The following CTNNA3 variants were observed in gnomAD, a reference collection of about 807,000 sequenced individuals.
CTNNA3 encodes the protein catenin alpha-3.
A neutral mutation model predicts 95.7 loss-of-function variants in CTNNA3; 76 were observed. That is an observed-to-expected ratio of 0.79 (90% CI 0.66 to 0.96). The LOEUF is 0.96. CTNNA3 is among the 40% of genes least tolerant of loss of function. The pLI, the probability that CTNNA3 is intolerant of heterozygous loss-of-function variation, is 0.00. For synonymous variants in CTNNA3, 431 were observed against 374.4 expected (o/e 1.15, Z -1.74); for missense variants, 1,191 against 1,089.8 (o/e 1.09, Z -1.31).
chr10:66,382,603 A>G (rs1170184475), intron 11 of CTNNA3, among the ~76,000 whole-genome samples: 2 of 152,184 alleles, frequency 1.3e-5, no homozygotes, highest in Non-Finnish European at 1.5e-5. Flanking sequence ...ATGGTGGTTG[A>G]GCTCTGAGAA....
At chr10:66,043,651 G>A (rs2079755828) in intron 15 of CTNNA3, among the ~76,000 whole-genome samples, 2 of 152,150 alleles carry the variant, frequency 1.3e-5, no homozygotes, top group African/African-American at 4.8e-5. Context: ...TGTCAGAGCA[G>A]GTGACACTTA....
At chr10:66,377,376 T>G (rs1396356446) in intron 12 of CTNNA3, among the ~76,000 whole-genome samples, 1 of 152,088 alleles carries the variant, frequency 6.6e-6, no homozygotes, top group Admixed American at 6.6e-5. Context: ...AATGTGATAA[T>G]GTAGCCATAT....
rs142570818 is a variant in CTNNA3, at chr10:66,177,652, T to C, written c.1885-74403A>G. On this transcript the variant is annotated intron_variant, in intron 13 of 17. Coordinates refer to ENST00000433211, the MANE Select transcript of CTNNA3 (RefSeq NM_013266.4). ...ACAAACAGTAGCAGTTATTTTATAC[T>C]AAACATACCAAAACGTAAGTGAGCA... 5.4e-3 allele frequency among the ~76,000 whole-genome samples: 817 copies of C among 152,186 alleles called. 4 individuals are homozygous for C. Among genetic ancestry groups the C allele is most frequent in the African/African-American group, 0.019 (790 of 41,564 alleles).
intron 5 of CTNNA3, among the ~76,000 whole-genome samples, chr10:67,395,771 C>T (rs910236658): frequency 5.9e-5 from 9 of 152,100 alleles, no homozygotes; most frequent in Non-Finnish European, 1.2e-4. Flanking sequence ...TTAACATTTC[C>T]ATTAATCCCA....
chr10:67,107,310 C>CT (rs1554922443), intron 7 of CTNNA3, among the ~76,000 whole-genome samples: 1 of 152,136 alleles, frequency 6.6e-6, no homozygotes, highest in Non-Finnish European at 1.5e-5. Context: ...TTTCTGAACT[C>CT]TAATTCTCTT....
chr10:67,103,221 G>T (rs1480149817), intron 7 of CTNNA3, among the ~76,000 whole-genome samples: 2 of 151,818 alleles, frequency 1.3e-5, no homozygotes, highest in Non-Finnish European at 2.9e-5. Flanking sequence ...AAGTAAAATT[G>T]TGAATTCTTG....
chr10:66,518,327 C>T (rs184382548), intron 11 of CTNNA3, among the ~76,000 whole-genome samples: 3 of 152,062 alleles, frequency 2.0e-5, no homozygotes, highest in Admixed American at 6.6e-5. Flanking sequence ...TATGGTTCCC[C>T]TTGTTGCATG....
intron 15 of CTNNA3, among the ~76,000 whole-genome samples, chr10:66,063,409 G>A (rs565976324): frequency 6.7e-6 from 1 of 150,366 alleles, no homozygotes; most frequent in Admixed American, 6.7e-5. Context: ...GTCTTCTGAA[G>A]GCTTCTCATA....
chr10:65,999,830 C>A, intron 15 of CTNNA3, among the ~76,000 whole-genome samples: 1 of 149,994 alleles, frequency 6.7e-6, no homozygotes. Flanking sequence ...TTGGATCCTA[C>A]AGAAAAAGAC....
In CTNNA3 at chr10:66,928,247, G is replaced by T. The variant is rs771650944; in HGVS notation, c.1048-152723C>A. On this transcript the variant is annotated intron_variant, in intron 7 of 17. Coordinates refer to ENST00000433211, the MANE Select transcript of CTNNA3 (RefSeq NM_013266.4). The stretch of plus-strand genomic sequence containing the variant: ...CTGGTTATCTACGTGTCATGGAAGC[G>T]GTACCCTGCGAGCATGAAGCAGCTG... The T allele has an allele frequency of 8.1e-6, 13 of 1,614,134 alleles. No homozygotes were observed. The highest frequency in any genetic ancestry group is 1.0e-5 in the Non-Finnish European group (12 of 1,180,036).
chr10:66,077,316 T>TA (rs1564621035), intron 14 of CTNNA3, among the ~76,000 whole-genome samples: 1 of 151,742 alleles, frequency 6.6e-6, no homozygotes, highest in African/African-American at 2.4e-5. Flanking sequence ...TTTTTCACAA[T>TA]AAAAAATGAA....
At chr10:66,189,617 T>TATATATATATATATATAC (rs151078010) in intron 13 of CTNNA3, among the ~76,000 whole-genome samples, 6 of 140,362 alleles carry the variant, frequency 4.3e-5, no homozygotes, top group African/African-American at 1.4e-4. Context: ...TATATATATA[T>TATATATATATATATATAC]ACACACATAC....
intron 1 of CTNNA3, among the ~76,000 whole-genome samples, chr10:67,687,709 C>T (rs541597680): frequency 4.6e-5 from 7 of 152,144 alleles, no homozygotes; most frequent in Non-Finnish European, 1.0e-4. Context: ...AATTGACCCT[C>T]GAGTGGGTCG....
intron 1 of CTNNA3, among the ~76,000 whole-genome samples, chr10:67,679,593 A>AT (rs1316310036): frequency 2.6e-5 from 4 of 152,190 alleles, no homozygotes; most frequent in African/African-American, 7.2e-5. Flanking sequence ...GAGAACAATG[A>AT]TTTTTTGCTA....
chr10:67,382,928 C>T (rs939666182), intron 5 of CTNNA3, among the ~76,000 whole-genome samples: 12 of 152,078 alleles, frequency 7.9e-5, no homozygotes, highest in Admixed American at 7.9e-4. Flanking sequence ...TGTATCAAGC[C>T]ATTCATGAGT....
At chr10:66,058,896 CTA>C (rs1162359134) in intron 15 of CTNNA3, among the ~76,000 whole-genome samples, 4 of 152,130 alleles carry the variant, frequency 2.6e-5, no homozygotes, top group African/African-American at 9.7e-5. Context: ...TCTTGGGTAA[CTA>C]ATCAAAACTT....
intron 15 of CTNNA3, among the ~76,000 whole-genome samples, chr10:66,030,953 A>G (rs747802301): frequency 9.2e-5 from 14 of 151,980 alleles, no homozygotes; most frequent in Non-Finnish European, 1.6e-4. Flanking sequence ...AATGCTCAAC[A>G]TCACTAATCG....
intron 9 of CTNNA3, among the ~76,000 whole-genome samples, chr10:66,760,303 G>A (rs1029690169): frequency 5.9e-5 from 9 of 152,098 alleles, no homozygotes. Context: ...CGTGCAGCCT[G>A]ATAATCAAAT....
rs371330302 is a variant in CTNNA3, at chr10:67,219,796, C to A, written c.654G>T (p.Leu218Phe). The A allele has an allele frequency of 8.1e-6, 13 of 1,613,854 alleles. No individual in the cohort carries two copies. The highest frequency in any genetic ancestry group is 1.1e-5 in the Non-Finnish European group (13 of 1,179,958). Residue 218 changes from leucine (L) to phenylalanine (F), a missense_variant, in exon 6 of 18, where the codon TTG (leucine) becomes TTT (phenylalanine). By Grantham distance (22) the Leu-to-Phe change is conservative (BLOSUM62 0). Coordinates refer to ENST00000433211, the MANE Select transcript of CTNNA3 (RefSeq NM_013266.4). Reference sequence around the variant, plus strand: ...CCAAACAAGCTGAACAAATTGAATGCAAGAGGGGAGAGTTCTCCTTCAGTG... The same window carrying A: ...CCAAACAAGCTGAACAAATTGAATGAAAGAGGGGAGAGTTCTCCTTCAGTG... Reference protein sequence around the residue: ...RASLKENSPLLHSICSACLEH... With the variant: ...RASLKENSPLFHSICSACLEH...
Sources: gnomAD v4.1 joint callset for allele counts (sites outside exome capture counted in the v4.1 genomes callset) on GRCh38, gnomAD v4.1.1 for gene constraint, MANE v1.5 for transcripts, NCBI Gene and HGNC (gene_info 2026-07-23, HGNC 2026-07-21) for gene names.